Variants in ATAD1 observed in about 807,000 individuals in gnomAD.
ATAD1 encodes the protein ATPase family AAA domain containing 1, also known as outer mitochondrial transmembrane helix translocase.
A neutral mutation model predicts 42.7 loss-of-function variants in ATAD1; 18 were observed. The observed-to-expected ratio is 0.42, with a 90% CI of 0.29 to 0.63. The LOEUF (loss-of-function observed/expected upper bound fraction) is 0.63. ATAD1 is among the 20% of genes least tolerant of loss of function. The pLI is 0.19. For missense variants in ATAD1, 294 were observed against 440.4 expected (o/e 0.67, Z 2.98); for synonymous variants, 132 against 143.1 (o/e 0.92, Z 0.55).
intron 2 of ATAD1, among the ~76,000 whole-genome samples, chr10:87,809,725 C>T (rs1334611946): frequency 6.6e-6 from 1 of 151,810 alleles, no homozygotes; most frequent in African/African-American, 2.4e-5. Flanking sequence ...GGCGCAATCT[C>T]GGCTCATTGT....
chr10:87,756,413 TA>T (rs1331834265), intron 9 of ATAD1, among the ~76,000 whole-genome samples: 7 of 152,326 alleles, frequency 4.6e-5, no homozygotes, highest in African/African-American at 1.7e-4. Flanking sequence ...TGGTTCCAAG[TA>T]AAATTGCTGC....
chr10:87,837,516 T>G (rs2132119401), intron 1 of ATAD1, among the ~76,000 whole-genome samples: 1 of 152,208 alleles, frequency 6.6e-6, no homozygotes, highest in East Asian at 1.9e-4. Flanking sequence ...ATATGCTGTT[T>G]GTGATCAGAT....
At chr10:87,834,258 C>T (rs1364340583) in intron 1 of ATAD1, among the ~76,000 whole-genome samples, 1 of 151,924 alleles carries the variant, frequency 6.6e-6, no homozygotes, top group African/African-American at 2.4e-5. Context: ...TTTTCTTGTC[C>T]TGTCTTTGTC....
At chr10:87,769,607 C>T (rs765851915) in intron 7 of ATAD1, among the ~76,000 whole-genome samples, 4 of 152,182 alleles carry the variant, frequency 2.6e-5, no homozygotes, top group Non-Finnish European at 5.9e-5. Context: ...CATGTCCCAT[C>T]CACCAGATCC....
rs563569131 is a variant in ATAD1, at chr10:87,793,560, G to T, written c.163-805C>A. 1.0e-3 allele frequency among the ~76,000 whole-genome samples: 158 copies of T among 152,204 alleles called. 4 individuals carry two copies. In the South Asian group the frequency reaches 0.029, roughly 28 times the overall value. On this transcript the variant is annotated intron_variant, in intron 2 of 9. Transcript: ENST00000680024. ...AGCATGATTAAGTAATTTGCCTTTG[G>T]TTAAAAGTTAGCCAAGAGAAGAAAC...
intron 2 of ATAD1, among the ~76,000 whole-genome samples, chr10:87,796,503 C>A (rs935761163): frequency 6.6e-6 from 1 of 152,182 alleles, no homozygotes; most frequent in African/African-American, 2.4e-5. Flanking sequence ...CCGGACAGAA[C>A]CCAATGTTCA....
At chr10:87,764,749 CA>C (rs1854654931) in intron 8 of ATAD1, among the ~76,000 whole-genome samples, 1 of 152,138 alleles carries the variant, frequency 6.6e-6, no homozygotes, top group Admixed American at 6.6e-5. Context: ...TACTCCTCTG[CA>C]ATCGGCAAAA....
At chr10:87,812,588 A>AGGG (rs1269122639) in intron 2 of ATAD1, among the ~76,000 whole-genome samples, 4 of 152,196 alleles carry the variant, frequency 2.6e-5, no homozygotes. Flanking sequence ...ACAGCTGGTC[A>AGGG]GAGATGTAGG....
chr10:87,789,837 T>C (rs1178819204), intron 4 of ATAD1, among the ~76,000 whole-genome samples: 2 of 152,216 alleles, frequency 1.3e-5, no homozygotes, highest in Non-Finnish European at 2.9e-5. Flanking sequence ...ACTTTCAAAG[T>C]GATTTTGAAT....
chr10:87,812,299 T>A (rs1049564269), intron 2 of ATAD1, among the ~76,000 whole-genome samples: 1 of 152,184 alleles, frequency 6.6e-6, no homozygotes, highest in East Asian at 1.9e-4. Context: ...ATTTTTGAGA[T>A]GGAGTCTCTC....
chr10:87,759,192 G>C (rs1167230274), intron 8 of ATAD1, among the ~76,000 whole-genome samples: 1 of 151,960 alleles, frequency 6.6e-6, no homozygotes, highest in Non-Finnish European at 1.5e-5. Context: ...TTTTTCTACT[G>C]TTTGTAAAAA....
intron 7 of ATAD1, among the ~76,000 whole-genome samples, chr10:87,769,285 C>T (rs1300228441): frequency 6.6e-6 from 1 of 152,144 alleles, no homozygotes; most frequent in Non-Finnish European, 1.5e-5. Context: ...GCCTCCTCTC[C>T]ATCTATATTC....
At chr10:87,818,730 T>TC (rs1319337908), upstream of ATAD1, 1 of 152,196 alleles carries the variant, frequency 6.6e-6, no homozygotes, top group African/African-American at 2.4e-5. Context: ...CTCACCCTTC[T>TC]CCCCCATCTC....
intron 1 of ATAD1, among the ~76,000 whole-genome samples, chr10:87,840,139 G>A (rs1367565531): frequency 6.6e-6 from 1 of 152,170 alleles, no homozygotes; most frequent in Non-Finnish European, 1.5e-5. Context: ...AACCTTAATT[G>A]TGATTTGGCT....
In ATAD1 at chr10:87,830,492, A is replaced by G. The variant is rs376319967; in HGVS notation, c.-14+10695T>C. On this transcript the variant is annotated intron_variant, in intron 1 of 4. Coordinates refer to the ATAD1 transcript ENST00000495903. ...TTCTGAAACACTCACATAGATTCTT[A>G]TGAATCATGTTTTTTTCCCCCCTGT... Among the ~76,000 whole-genome samples, 6 of 152,332 alleles carry G rather than the reference A, an allele frequency of 3.9e-5. 1 individual carries two copies. The highest frequency in any genetic ancestry group is 1.4e-4 in the African/African-American group (6 of 41,574).
chr10:87,807,508 T>C (rs560510784), intron 2 of ATAD1, among the ~76,000 whole-genome samples: 66 of 152,224 alleles, frequency 4.3e-4, no homozygotes, highest in Non-Finnish European at 8.4e-4. Flanking sequence ...GGTATATCAA[T>C]TTGACTTTAA....
At chr10:87,791,030 CAAAAAAAAAAA>C (rs34722647) in intron 3 of ATAD1, among the ~76,000 whole-genome samples, 3 of 66,276 alleles carry the variant, frequency 4.5e-5, no homozygotes, top group East Asian at 9.0e-4. Flanking sequence ...ACTAAAATTA[CAAAAAAAAAAA>C]AAAAAAAAAA....
intron 7 of ATAD1, among the ~76,000 whole-genome samples, chr10:87,770,381 T>C (rs1233631437): frequency 1.3e-5 from 2 of 152,220 alleles, no homozygotes; most frequent in African/African-American, 4.8e-5. Context: ...TGGTAAGTCA[T>C]AATCATCTAC....
At chr10:87,839,668 C>G (rs1857994490) in intron 1 of ATAD1, among the ~76,000 whole-genome samples, 1 of 152,134 alleles carries the variant, frequency 6.6e-6, no homozygotes, top group African/African-American at 2.4e-5. Flanking sequence ...TCATGTTATG[C>G]TCTATTGCTT....
Sources: gnomAD v4.1 joint callset for allele counts (sites outside exome capture counted in the v4.1 genomes callset) on GRCh38, gnomAD v4.1.1 for gene constraint, MANE v1.5 for transcripts, NCBI Gene and HGNC (gene_info 2026-07-23, HGNC 2026-07-21) for gene names.